Variants in TOX2 observed in about 807,000 individuals in gnomAD.
The protein encoded by TOX2 is TOX high mobility group box family member 2.
A neutral mutation model predicts 47.4 loss-of-function variants in TOX2; 15 were observed. The ratio of observed to expected loss-of-function variants is 0.32; its 90% confidence interval spans 0.21 to 0.49. TOX2 has a LOEUF of 0.49. TOX2 is among the 20% of genes least tolerant of loss of function. TOX2 has a pLI of 0.99. For missense variants in TOX2, 622 were observed against 673.1 expected (o/e 0.92, Z 0.84); for synonymous variants, 290 against 296.6 (o/e 0.98, Z 0.23).
At chr20:44,028,699 G>T (rs1569111999) in intron 3 of TOX2, among the ~76,000 whole-genome samples, 1 of 152,174 alleles carries the variant, frequency 6.6e-6, no homozygotes, top group South Asian at 2.1e-4. Flanking sequence ...GGGAGGAAAG[G>T]TTCCCTGCCA....
At chr20:44,050,299 C>A (rs2071487467) in intron 3 of TOX2, among the ~76,000 whole-genome samples, 1 of 152,040 alleles carries the variant, frequency 6.6e-6, no homozygotes. Flanking sequence ...AATTAGAAAA[C>A]AGAGAAGCAG....
chr20:43,928,463 A>T (rs779652936), intron 1 of TOX2, among the ~76,000 whole-genome samples: 9 of 152,192 alleles, frequency 5.9e-5, no homozygotes, highest in African/African-American at 1.2e-4. Context: ...TGGTCGCTTT[A>T]TTGCTGCTTT....
chr20:43,999,447 C>T (rs1485732683), intron 2 of TOX2, among the ~76,000 whole-genome samples: 1 of 151,530 alleles, frequency 6.6e-6, no homozygotes, highest in Non-Finnish European at 1.5e-5. Flanking sequence ...CAATGAACAA[C>T]CCATAAAGGA....
intron 3 of TOX2, among the ~76,000 whole-genome samples, chr20:44,038,578 G>A (rs917647340): frequency 6.6e-6 from 1 of 151,746 alleles, no homozygotes; most frequent in Non-Finnish European, 1.5e-5. Context: ...AAATTTAATT[G>A]TGGGGGAAAA....
intron 6 of TOX2, among the ~76,000 whole-genome samples, chr20:44,065,311 G>A (rs531381477): frequency 1.3e-5 from 2 of 152,358 alleles, no homozygotes; most frequent in East Asian, 1.9e-4. Flanking sequence ...GGAGGTGGGT[G>A]TTGTTCCTGG....
At chr20:43,945,854 G>A (rs1267445747) in intron 1 of TOX2, 2 of 1,599,594 alleles carry the variant, frequency 1.3e-6, no homozygotes, top group East Asian at 4.5e-5. Context: ...ACCAAGAGTT[G>A]TCAGGAGGGC....
Position 44,051,375 on chromosome 20 carries a change from C to T in TOX2, c.481C>T (p.Pro161Ser). 6.2e-7 allele frequency: 1 copy of T among 1,613,984 alleles called. No homozygotes were observed. The highest frequency in any genetic ancestry group is 1.3e-5 in the African/African-American group (1 of 75,052). Reference protein sequence around the residue: ...SGRPGPLLGRPAMLASHMSAL... With the variant: ...SGRPGPLLGRSAMLASHMSAL... ...CCGGCCCGGGCCCCTGCTGGGTCGC[C>T]CGGCAATGCTGGCCAGCCACATGAG... The change falls in exon 4 of 9, where the codon CCG becomes TCG. Residue 161 changes from proline to serine, a missense_variant. By Grantham distance (74) the Pro-to-Ser change is moderately conservative. Coordinates refer to ENST00000341197, the MANE Select transcript of TOX2 (RefSeq NM_001098797.2).
At chr20:44,063,482 G>C (rs1426767353) in intron 5 of TOX2, among the ~76,000 whole-genome samples, 1 of 152,144 alleles carries the variant, frequency 6.6e-6, no homozygotes, top group Non-Finnish European at 1.5e-5. Flanking sequence ...GTGGCAAAAA[G>C]GGAACACTTT....
chr20:44,035,224 T>C (rs971062089), intron 3 of TOX2, among the ~76,000 whole-genome samples: 1 of 152,228 alleles, frequency 6.6e-6, no homozygotes, highest in Admixed American at 6.5e-5. Context: ...CTGAAATCCC[T>C]TCGATGGCTC....
chr20:43,991,703 G>A (rs549620745), intron 2 of TOX2, among the ~76,000 whole-genome samples: 1 of 151,480 alleles, frequency 6.6e-6, no homozygotes, highest in African/African-American at 2.4e-5. Context: ...GAGTGCAGTG[G>A]TACAATCTCA....
intron 3 of TOX2, chr20:44,007,324 C>T (rs531038018): frequency 6.3e-5 from 10 of 158,134 alleles, no homozygotes; most frequent in African/African-American, 1.9e-4. Flanking sequence ...GCCCAGGAGT[C>T]CTGGGCTGTA....
At chr20:43,926,546 T>G (rs1442602780) in intron 1 of TOX2, among the ~76,000 whole-genome samples, 1 of 152,098 alleles carries the variant, frequency 6.6e-6, no homozygotes, top group Non-Finnish European at 1.5e-5. Context: ...CAGGCACTGT[T>G]TAGGTGAACC....
At chr20:44,054,127 C>T (rs1289632243) in intron 4 of TOX2, among the ~76,000 whole-genome samples, 172 bp from the exon 5 acceptor site, 1 of 152,068 alleles carries the variant, frequency 6.6e-6, no homozygotes, top group African/African-American at 2.4e-5. Context: ...ATGAGTTAAA[C>T]ACCCACCCAG....
chr20:43,960,612 C>T (rs1182936371), intron 1 of TOX2, among the ~76,000 whole-genome samples: 1 of 152,272 alleles, frequency 6.6e-6, no homozygotes, highest in Admixed American at 6.5e-5. Flanking sequence ...GTAGATTTCA[C>T]ACTCAGAGTC....
intron 2 of TOX2, among the ~76,000 whole-genome samples, chr20:43,998,750 T>TCTAC (rs2070525034): frequency 1.3e-5 from 2 of 151,982 alleles, no homozygotes; most frequent in African/African-American, 4.8e-5. Flanking sequence ...TATCTATCTA[T>TCTAC]CTATCTATCT....
intron 2 of TOX2, among the ~76,000 whole-genome samples, chr20:43,987,138 C>T (rs2070281479): frequency 1.3e-5 from 2 of 152,126 alleles, no homozygotes; most frequent in Admixed American, 6.5e-5. Flanking sequence ...CAAGAGTAGA[C>T]TGGATACATG....
intron 1 of TOX2, among the ~76,000 whole-genome samples, chr20:43,949,116 C>T (rs181739155): frequency 2.4e-4 from 36 of 152,330 alleles, no homozygotes; most frequent in Admixed American, 7.8e-4. Flanking sequence ...TCACACCCTC[C>T]GTCACCTCAA....
chr20:43,937,545 C>T (rs2145338159), intron 1 of TOX2, among the ~76,000 whole-genome samples: 1 of 152,194 alleles, frequency 6.6e-6, no homozygotes, highest in South Asian at 2.1e-4. Flanking sequence ...GGGTTTTGGA[C>T]TCAGTCCTGC....
At chr20:44,064,367 A>G (rs1323966475) in intron 5 of TOX2, among the ~76,000 whole-genome samples, 1 of 152,242 alleles carries the variant, frequency 6.6e-6, no homozygotes, top group Non-Finnish European at 1.5e-5. Flanking sequence ...AATAAAAAAT[A>G]TTAGCAAACC....
Sources: allele counts gnomAD v4.1 joint callset (sites outside exome capture counted in the v4.1 genomes callset), GRCh38; gene constraint gnomAD v4.1.1; transcripts MANE v1.5; gene names NCBI Gene and HGNC (gene_info 2026-07-23, HGNC 2026-07-21).